Variants in RAB3GAP2 observed in about 807,000 individuals in gnomAD.
The protein encoded by RAB3GAP2 is RAB3 GTPase activating non-catalytic protein subunit 2.
A neutral mutation model predicts 185.3 loss-of-function variants in RAB3GAP2; 87 were observed. That is an observed-to-expected ratio of 0.47 (90% CI 0.39 to 0.56). The LOEUF is 0.56. Among genes scored for constraint, RAB3GAP2 ranks in the 20% least tolerant of loss-of-function variants. The pLI, the probability that RAB3GAP2 is intolerant of heterozygous loss-of-function variation, is 0.00. For synonymous variants in RAB3GAP2, 554 were observed against 576.1 expected (o/e 0.96, Z 0.55); for missense variants, 1,492 against 1,638.2 (o/e 0.91, Z 1.54).
At chr1:220,152,075 CTTT>C (rs918649857) in intron 33 of RAB3GAP2, among the ~76,000 whole-genome samples, 1 of 151,692 alleles carries the variant, frequency 6.6e-6, no homozygotes, top group South Asian at 2.1e-4. Context: ...CCTCTAATGG[CTTT>C]TTTTTGTTGT....
At chr1:220,210,656 C>A in intron 6 of RAB3GAP2, 145 bp downstream of exon 6, 1 of 1,008,380 alleles carries the variant, frequency 9.9e-7, no homozygotes, top group Non-Finnish European at 1.5e-6. Flanking sequence ...GAACTTGCCA[C>A]GGCCTATCCC....
At chr1:220,247,165 A>C (rs1402259348) in intron 1 of RAB3GAP2, among the ~76,000 whole-genome samples, 2 of 152,212 alleles carry the variant, frequency 1.3e-5, no homozygotes, top group Non-Finnish European at 2.9e-5. Context: ...GTGGGAATGT[A>C]AATTAGTACA....
At chr1:220,267,589 G>T in intron 1 of RAB3GAP2, 1 of 1,369,152 alleles carries the variant, frequency 7.3e-7, no homozygotes, top group Non-Finnish European at 1.0e-6. Context: ...TCCTCCTCAG[G>T]ATTATTTTCA....
At chr1:220,223,909 A>AG in intron 2 of RAB3GAP2, among the ~76,000 whole-genome samples, 1 of 151,812 alleles carries the variant, frequency 6.6e-6, no homozygotes, top group East Asian at 1.9e-4. Context: ...TAAAAAAAAA[A>AG]AAACTGAAAA....
At chr1:220,172,914 G>T (rs1658206371) in intron 21 of RAB3GAP2, among the ~76,000 whole-genome samples, 172 bp from the exon 22 acceptor site, 2 of 152,170 alleles carry the variant, frequency 1.3e-5, no homozygotes, top group African/African-American at 4.8e-5. Context: ...GAGGTACCTT[G>T]TCTACCTAGG....
intron 16 of RAB3GAP2, 138 bp downstream of exon 16, chr1:220,189,926 G>A (rs1658581912): frequency 1.9e-6 from 2 of 1,057,602 alleles, no homozygotes; most frequent in Non-Finnish European, 2.8e-6. Flanking sequence ...ACACCCTCTA[G>A]ATGGCACACT....
chr1:220,159,242 C>T (rs976726753), intron 29 of RAB3GAP2, 144 bp downstream of exon 29: 2 of 692,080 alleles, frequency 2.9e-6, no homozygotes, highest in African/African-American at 3.6e-5. Flanking sequence ...TTCCTTAATG[C>T]AGTATTCTCT....
intron 2 of RAB3GAP2, among the ~76,000 whole-genome samples, chr1:220,227,473 C>T (rs1048750158): frequency 1.3e-5 from 2 of 152,208 alleles, no homozygotes; most frequent in African/African-American, 4.8e-5. Context: ...CTAACACACT[C>T]GTGGAGATAA....
At chr1:220,255,009 CA>C (rs1660009531) in intron 1 of RAB3GAP2, among the ~76,000 whole-genome samples, 2 of 150,940 alleles carry the variant, frequency 1.3e-5, no homozygotes, top group Non-Finnish European at 2.9e-5. Flanking sequence ...GCAAGGCATC[CA>C]TGTTGTTACT....
At chr1:220,226,420 T>C (rs1214663166) in intron 2 of RAB3GAP2, among the ~76,000 whole-genome samples, 1 of 151,602 alleles carries the variant, frequency 6.6e-6, no homozygotes, top group African/African-American at 2.4e-5. Context: ...CTAAAAGCCT[T>C]TATAATACTC....
intron 2 of RAB3GAP2, among the ~76,000 whole-genome samples, chr1:220,215,385 C>T (rs190747425): frequency 7.9e-5 from 12 of 152,132 alleles, no homozygotes; most frequent in African/African-American, 1.7e-4. Flanking sequence ...ATTTTAATGG[C>T]GGATCTCTGT....
At chr1:220,251,414 T>C (rs140574709) in intron 1 of RAB3GAP2, among the ~76,000 whole-genome samples, 2 of 152,280 alleles carry the variant, frequency 1.3e-5, no homozygotes, top group Admixed American at 6.5e-5. Flanking sequence ...AAACACAGGA[T>C]ATGATAAACT....
intron 1 of RAB3GAP2, among the ~76,000 whole-genome samples, chr1:220,265,277 G>A (rs1660209687): frequency 6.6e-6 from 1 of 151,938 alleles, no homozygotes; most frequent in Admixed American, 6.6e-5. Flanking sequence ...TTTTCTCAGA[G>A]ATTGCTTAAA....
chr1:220,156,559 C>G (rs1305439558), intron 31 of RAB3GAP2, among the ~76,000 whole-genome samples: 2 of 152,174 alleles, frequency 1.3e-5, no homozygotes, highest in African/African-American at 4.8e-5. Context: ...TTAAACCTGT[C>G]TCTTAGGAAG....
chr1:220,248,614 G>T (rs928098635), intron 1 of RAB3GAP2, among the ~76,000 whole-genome samples: 209 of 144,482 alleles, frequency 1.4e-3, no homozygotes, highest in African/African-American at 5.1e-3. Context: ...ATTTGGTTTG[G>T]TTTTTTTTTT....
chr1:220,163,048 A>T (rs1215834234), intron 27 of RAB3GAP2, among the ~76,000 whole-genome samples: 1 of 152,188 alleles, frequency 6.6e-6, no homozygotes, highest in African/African-American at 2.4e-5. Context: ...CTGAGGTGAT[A>T]GCATAGCTTG....
chr1:220,157,230 G>C (rs1348904695), intron 31 of RAB3GAP2, 40 bp downstream of exon 31: 1 of 1,540,612 alleles, frequency 6.5e-7, no homozygotes, highest in Non-Finnish European at 9.0e-7. Context: ...TGCTAAGCCT[G>C]CAACTCCAAA....
chr1:220,154,532 T>G (rs934805539), intron 31 of RAB3GAP2: 4 of 158,492 alleles, frequency 2.5e-5, no homozygotes, highest in African/African-American at 9.7e-5. Context: ...CCATCCCAGT[T>G]GAGCTTTCAG....
At chr1:220,267,089 ACCC>A (rs1660241120) in intron 1 of RAB3GAP2, 1 of 1,582,906 alleles carries the variant, frequency 6.3e-7, no homozygotes, top group Non-Finnish European at 8.7e-7. Context: ...TGTTCTGACC[ACCC>A]AAAATTTGCA....
Sources: allele counts gnomAD v4.1 joint callset (sites outside exome capture counted in the v4.1 genomes callset), GRCh38; gene constraint gnomAD v4.1.1; transcripts MANE v1.5; gene names NCBI Gene and HGNC (gene_info 2026-07-23, HGNC 2026-07-21).